The following NR1I2 variants were observed in gnomAD, a reference collection of about 807,000 sequenced individuals.
NR1I2 encodes the protein nuclear receptor subfamily 1 group I member 2, also known as orphan nuclear receptor PAR1.
In NR1I2, 42 loss-of-function variants were observed where a neutral mutation model predicts 43.3. The ratio of observed to expected loss-of-function variants is 0.97; its 90% CI spans 0.76 to 1.26. The LOEUF is 1.26. Ranked by LOEUF, NR1I2 falls within the 50% of genes most tolerant of loss-of-function variation. The pLI is 0.00. For synonymous variants in NR1I2, 229 were observed against 215.0 expected, an observed-to-expected ratio of 1.06 and a Z score of -0.57; for missense variants, 559 against 566.7, an observed-to-expected ratio of 0.99 and a Z score of 0.14.
At chr3:119,790,414 G>T (rs2054903091) in intron 1 of NR1I2, among the ~76,000 whole-genome samples, 1 of 152,020 alleles carries the variant, frequency 6.6e-6, no homozygotes, top group African/African-American at 2.4e-5. Context: ...GTTCTTTTTG[G>T]ATATACATCC....
intron 1 of NR1I2, among the ~76,000 whole-genome samples, chr3:119,792,763 T>C (rs1217070626): frequency 3.3e-5 from 5 of 152,102 alleles, no homozygotes. Context: ...TAATCCCAGC[T>C]ACTCGGGAAG....
chr3:119,812,344 C>T (rs557972395), intron 4 of NR1I2, among the ~76,000 whole-genome samples: 1 of 152,290 alleles, frequency 6.6e-6, no homozygotes, highest in East Asian at 1.9e-4. Context: ...CACCCTAAAC[C>T]TTCTGAGTCT....
intron 1 of NR1I2, among the ~76,000 whole-genome samples, chr3:119,788,171 T>A (rs2054871405): frequency 1.3e-5 from 2 of 152,202 alleles, no homozygotes; most frequent in Non-Finnish European, 2.9e-5. Flanking sequence ...TGGAGAGCAG[T>A]GGTATGATCA....
At chr3:119,813,097 G>A in intron 5 of NR1I2, 137 bp downstream of exon 5, 1 of 999,638 alleles carries the variant, frequency 1.0e-6, no homozygotes, top group Non-Finnish European at 1.5e-6. Flanking sequence ...CCTTTCCCCG[G>A]GCAGCCAGTG....
At chr3:119,809,237 T>G (rs1426260305) in intron 2 of NR1I2, among the ~76,000 whole-genome samples, 1 of 152,148 alleles carries the variant, frequency 6.6e-6, no homozygotes, top group Non-Finnish European at 1.5e-5. Flanking sequence ...AGGACTGCAC[T>G]GACCGTGTCT....
chr3:119,803,349 AAGAGAGAGAG>A (rs3030842), intron 1 of NR1I2, among the ~76,000 whole-genome samples: 2 of 147,918 alleles, frequency 1.4e-5, no homozygotes, highest in African/African-American at 5.0e-5. Context: ...TCTGTCTCAA[AAGAGAGAGAG>A]AGAGAGAGAG....
At chr3:119,807,578 G>C in intron 2 of NR1I2, 131 bp downstream of exon 2, 1 of 746,124 alleles carries the variant, frequency 1.3e-6, no homozygotes, top group Non-Finnish European at 2.3e-6. Context: ...CTTGTAATTA[G>C]TCTCAAGGGA....
chr3:119,817,060 G>A lies in NR1I2; in HGVS notation c.1161-8G>A. On this transcript the variant is annotated splice_region_variant and splice_polypyrimidine_tract_variant and intron_variant, in intron 8 of 8. Transcript: ENST00000393716. ...GCACCCACAATCTTTTCTCTGGCTGGCATGCAGGTTCTTGTTCCTGAAGAT... is the reference window on the plus strand; with the variant it reads ...GCACCCACAATCTTTTCTCTGGCTGACATGCAGGTTCTTGTTCCTGAAGAT... 6.2e-7 allele frequency: 1 copy of A among 1,614,156 alleles called. No individual in the cohort carries two copies. Among genetic ancestry groups the A allele is most frequent in the Non-Finnish European group, 8.5e-7 (1 of 1,180,016 alleles).
chr3:119,793,825 A>G (rs1239987166), intron 1 of NR1I2, among the ~76,000 whole-genome samples: 1 of 152,182 alleles, frequency 6.6e-6, no homozygotes, highest in African/African-American at 2.4e-5. Flanking sequence ...TACCATAAGG[A>G]CACGATCAAA....
intron 2 of NR1I2, among the ~76,000 whole-genome samples, chr3:119,809,011 G>C (rs187979372): frequency 1.3e-3 from 198 of 152,290 alleles, no homozygotes; most frequent in Middle Eastern, 0.01. Flanking sequence ...TCACTGGTCC[G>C]AGGCCCGAGG....
Position 119,817,390 on chromosome 3 carries a change from C to T in NR1I2, c.*178C>T. On this transcript the variant is annotated 3_prime_UTR_variant, in exon 9 of 9. Coordinates refer to ENST00000393716, the MANE Select transcript of NR1I2 (RefSeq NM_003889.4). ...GCATTCCTCAGGAAGGACATGGGTG[C>T]CCCCCACCCCCAGTTCAGTCTGTAG... is the stretch of plus-strand genomic sequence containing the variant. The T allele has an allele frequency of 6.1e-6, 9 of 1,475,254 alleles. No individual in the cohort carries two copies. The highest frequency in any genetic ancestry group is 1.3e-5 in the South Asian group (1 of 75,398). 91.4% of individuals were successfully genotyped at this position (1,475,254 alleles called of 1,614,324 possible).
intron 7 of NR1I2, 36 bp downstream of exon 7, chr3:119,815,475 C>CA: frequency 6.5e-7 from 1 of 1,528,394 alleles, no homozygotes; most frequent in East Asian, 2.2e-5. Flanking sequence ...ACATCCCCCC[C>CA]AGCCTTATCT....
chr3:119,817,033 C>T (rs756970248), intron 8 of NR1I2, 35 bp from the exon 9 acceptor site: 43 of 1,613,780 alleles, frequency 2.7e-5, no homozygotes, highest in Non-Finnish European at 3.5e-5. Context: ...TCAGGGCGGG[C>T]TGCACCCACA....
chr3:119,809,549 G>A (rs1453204292), intron 2 of NR1I2, among the ~76,000 whole-genome samples: 20 of 139,802 alleles, frequency 1.4e-4, no homozygotes, highest in African/African-American at 5.1e-4. Flanking sequence ...GCGGGGGGTG[G>A]GGGGAAGGCG....
chr3:119,813,218 C>T (rs1322410804), intron 5 of NR1I2, among the ~76,000 whole-genome samples: 1 of 152,222 alleles, frequency 6.6e-6, no homozygotes, highest in Non-Finnish European at 1.5e-5. Flanking sequence ...GCCTCCCCTG[C>T]AGGGCTGTTC....
At chr3:119,786,374 A>G (rs1297127662) in intron 1 of NR1I2, among the ~76,000 whole-genome samples, 1 of 152,166 alleles carries the variant, frequency 6.6e-6, no homozygotes, top group Non-Finnish European at 1.5e-5. Flanking sequence ...GGGCTGGGAA[A>G]AGTTCCCTGC....
chr3:119,809,546 G>A (rs1165918186), intron 2 of NR1I2, among the ~76,000 whole-genome samples: 1 of 144,890 alleles, frequency 6.9e-6, no homozygotes, highest in Admixed American at 6.8e-5. Flanking sequence ...GCGGCGGGGG[G>A]TGGGGGGAAG....
intron 1 of NR1I2, chr3:119,791,732 T>A: frequency 2.6e-6 from 1 of 385,672 alleles, no homozygotes; most frequent in Non-Finnish European, 5.1e-6. Context: ...CTGGCCAACA[T>A]GGTGAAACCC....
intron 1 of NR1I2, among the ~76,000 whole-genome samples, chr3:119,795,419 C>T (rs549187760): frequency 2.2e-4 from 33 of 152,248 alleles, no homozygotes; most frequent in Admixed American, 8.5e-4. Context: ...TGTTTAGGAC[C>T]ACACAGCACT....
Sources: gnomAD v4.1 joint callset for allele counts (sites outside exome capture counted in the v4.1 genomes callset) on GRCh38, gnomAD v4.1.1 for gene constraint, MANE v1.5 for transcripts, NCBI Gene and HGNC (gene_info 2026-07-23, HGNC 2026-07-21) for gene names.